GOLPH3: variants seen among roughly 807,000 people sequenced by gnomAD.
The protein encoded by GOLPH3 is coat protein GPP34.
In GOLPH3, 14 loss-of-function variants were observed where a neutral mutation model predicts 28.5. That is an observed-to-expected ratio of 0.49 (90% CI 0.32 to 0.77). The LOEUF (loss-of-function observed/expected upper bound fraction) is 0.77. Ranked by LOEUF, GOLPH3 falls within the 30% of genes least tolerant of loss-of-function variation. The pLI is 0.03. For missense variants in GOLPH3, 350 were observed against 393.7 expected (o/e 0.89, Z 0.94); for synonymous variants, 158 against 159.2 (o/e 0.99, Z 0.06).
intron 3 of GOLPH3, among the ~76,000 whole-genome samples, chr5:32,129,536 A>C (rs1210586902): frequency 1.3e-5 from 2 of 152,246 alleles, no homozygotes; most frequent in African/African-American, 4.8e-5. Flanking sequence ...AACATTCATA[A>C]TATATTACAT....
chr5:32,137,727 G>A (rs1364284276), intron 2 of GOLPH3, among the ~76,000 whole-genome samples: 1 of 152,144 alleles, frequency 6.6e-6, no homozygotes, highest in African/African-American at 2.4e-5. Context: ...GGAGAGATGG[G>A]AGGGAAAATG....
At chr5:32,157,714 C>T (rs571789974) in intron 1 of GOLPH3, among the ~76,000 whole-genome samples, 3 of 152,108 alleles carry the variant, frequency 2.0e-5, no homozygotes, top group East Asian at 1.9e-4. Flanking sequence ...TAGTGGCTCA[C>T]GCCTCTAATC....
chr5:32,168,865 G>A (rs1343769537), intron 1 of GOLPH3, among the ~76,000 whole-genome samples: 1 of 152,088 alleles, frequency 6.6e-6, no homozygotes, highest in Non-Finnish European at 1.5e-5. Flanking sequence ...AGGCTGAGGC[G>A]GGAGGATCAC....
intron 3 of GOLPH3, among the ~76,000 whole-genome samples, chr5:32,130,266 G>A (rs758447889): frequency 6.6e-6 from 1 of 152,120 alleles, no homozygotes; most frequent in Non-Finnish European, 1.5e-5. Context: ...TAAGACACTA[G>A]GCTGGAATTG....
intron 1 of GOLPH3, among the ~76,000 whole-genome samples, chr5:32,167,129 T>C (rs929457794): frequency 2.0e-5 from 3 of 152,186 alleles, no homozygotes; most frequent in Admixed American, 6.5e-5. Context: ...ATCCCCCAAA[T>C]ATTTCAAAAT....
At chr5:32,142,879 G>A (rs1329447396) in intron 2 of GOLPH3, among the ~76,000 whole-genome samples, 2 of 150,650 alleles carry the variant, frequency 1.3e-5, no homozygotes, top group South Asian at 2.1e-4. Flanking sequence ...GGTGAGGGGC[G>A]CCTCTGCCCG....
At position 32,163,797 on chromosome 5, in the gene GOLPH3, C is replaced by T. The variant is rs543348145; in HGVS notation, c.225+10013G>A. Among the ~76,000 whole-genome samples the T allele has an allele frequency of 2.6e-5, 4 of 152,178 alleles. No individual in the cohort carries two copies. In the South Asian group the frequency reaches 8.3e-4, roughly 32 times the overall value. On this transcript the variant is annotated intron_variant, in intron 1 of 3. Transcript: ENST00000265070. ...ATAACCTCTAATTTCACTTTAGCTA[C>T]ACAACATGGTATAGACAAAAATTAA... is the stretch of plus-strand genomic sequence containing the variant.
At chr5:32,154,633 A>AC (rs1231662318) in intron 1 of GOLPH3, among the ~76,000 whole-genome samples, 1 of 152,204 alleles carries the variant, frequency 6.6e-6, no homozygotes, top group Non-Finnish European at 1.5e-5. Flanking sequence ...TTCTACAGTG[A>AC]CCCCAAGCTA....
intron 1 of GOLPH3, among the ~76,000 whole-genome samples, chr5:32,165,731 G>A (rs187699751): frequency 1.3e-5 from 2 of 152,208 alleles, no homozygotes; most frequent in Non-Finnish European, 2.9e-5. Context: ...GCCTCTCACA[G>A]AGCATGTGCT....
Position 32,126,507 on chromosome 5 carries a change from G to C in GOLPH3, c.602C>G (p.Thr201Arg). ...AATGTTGTTATTGGTGAGGGGATGT[G>C]TTGTCATGTCAAAAAGTAGGAAGTT... The part of the protein sequence containing the change: ...KQNFLLFDMT[T>R]HPLTNNNIKQ... Residue 201 changes from threonine to arginine, a missense_variant, in exon 4 of 4, where the codon ACA (threonine) becomes AGA (arginine). Physicochemically the swap from Thr to Arg is moderately conservative, Grantham distance 71. Coordinates refer to ENST00000265070, the MANE Select transcript of GOLPH3 (RefSeq NM_022130.4). The C allele has an allele frequency of 6.2e-7, 1 of 1,614,164 alleles. No individual in the cohort carries two copies. The highest frequency in any genetic ancestry group is 8.5e-7 in the Non-Finnish European group (1 of 1,180,036).
intron 1 of GOLPH3, among the ~76,000 whole-genome samples, chr5:32,165,118 G>A (rs1436071854): frequency 6.6e-6 from 1 of 151,540 alleles, no homozygotes; most frequent in African/African-American, 2.4e-5. Flanking sequence ...CAGGCTGGTC[G>A]CTAACTCCCT....
intron 1 of GOLPH3, among the ~76,000 whole-genome samples, chr5:32,162,894 C>G (rs147256755): frequency 0.015 from 2,217 of 152,174 alleles, 21 homozygotes; most frequent in Non-Finnish European, 0.024. Context: ...CTGGCTAACA[C>G]AGTGAAACCC....
At chr5:32,140,186 G>A (rs568172563) in intron 2 of GOLPH3, among the ~76,000 whole-genome samples, 5 of 150,980 alleles carry the variant, frequency 3.3e-5, no homozygotes, top group Non-Finnish European at 7.4e-5. Context: ...TGCTTCTAGA[G>A]GAAAAAAAAA....
At chr5:32,128,429 G>A (rs540657595) in intron 3 of GOLPH3, among the ~76,000 whole-genome samples, 88 of 152,256 alleles carry the variant, frequency 5.8e-4, no homozygotes, top group Admixed American at 1.4e-3. Flanking sequence ...TAGCCCAGAC[G>A]GGTGGATCAC....
At chr5:32,164,656 A>C (rs1746666573) in intron 1 of GOLPH3, among the ~76,000 whole-genome samples, 1 of 151,860 alleles carries the variant, frequency 6.6e-6, no homozygotes, top group Non-Finnish European at 1.5e-5. Flanking sequence ...TCAACTCCCA[A>C]AGTGTTGGGA....
Position 32,125,412 on chromosome 5 carries a change from C to A in GOLPH3, c.*800G>T, listed in dbSNP as rs892782867. 6.6e-6 allele frequency: 1 copy of A among 152,638 alleles called. No individual in the cohort carries two copies. Among genetic ancestry groups the A allele is most frequent in the African/African-American group, 2.4e-5 (1 of 41,446 alleles). The allele number at this position is 152,638 out of a possible 1,614,324, so 9.5% of individuals were successfully genotyped here. ...CACACATCTTTTCTCTCTCCTTCAG[C>A]GACAAGAGGTCGATTTTGCCATCAA... On this transcript the variant is annotated 3_prime_UTR_variant, in exon 4 of 4. Coordinates refer to ENST00000265070, the MANE Select transcript of GOLPH3 (RefSeq NM_022130.4).
rs115373848 is a variant in GOLPH3, at chr5:32,126,094, T to G, written c.*118A>C. The G allele has an allele frequency of 7.4e-4, 782 of 1,058,144 alleles. 2 individuals are homozygous for G. The African/African-American group carries it at 0.011, about 15-fold the overall frequency. 65.5% of individuals were successfully genotyped at this position (1,058,144 alleles called of 1,614,324 possible). A position where few individuals can be genotyped will look rare whatever the true frequency, so the allele number is the denominator to read the frequency against. ...AAAAAGAAAAAGCCACCCACCATTT[T>G]GTAAAACAGAAGCCAATTATAGTGT... On this transcript the variant is annotated 3_prime_UTR_variant, in exon 4 of 4. Transcript: ENST00000265070.
At chr5:32,134,226 GA>G in intron 3 of GOLPH3, among the ~76,000 whole-genome samples, 1 of 152,020 alleles carries the variant, frequency 6.6e-6, no homozygotes, top group South Asian at 2.1e-4. Flanking sequence ...TTTTTCTTGA[GA>G]CGGGGTCTCA....
intron 1 of GOLPH3, among the ~76,000 whole-genome samples, chr5:32,171,536 G>T (rs1312144083): frequency 6.6e-6 from 1 of 150,448 alleles, no homozygotes; most frequent in Non-Finnish European, 1.5e-5. Flanking sequence ...TTATCCACAC[G>T]GAAAACTCTC....
Sources: allele counts gnomAD v4.1 joint callset (sites outside exome capture counted in the v4.1 genomes callset), GRCh38; gene constraint gnomAD v4.1.1; transcripts MANE v1.5; gene names NCBI Gene and HGNC (gene_info 2026-07-23, HGNC 2026-07-21).